KIF7: variants seen among roughly 807,000 people sequenced by gnomAD.
KIF7 encodes kinesin-like protein KIF7.
A neutral mutation model predicts 135.7 loss-of-function variants in KIF7; 104 were observed. That is an observed-to-expected ratio of 0.77 (90% confidence interval 0.65 to 0.90). KIF7 has a LOEUF of 0.90. KIF7 is among the 40% of genes least tolerant of loss of function. The pLI is 0.00. For missense variants in KIF7, 2,005 were observed against 1,839.1 expected (o/e 1.09, Z -1.65); for synonymous variants, 883 against 809.4 (o/e 1.09, Z -1.54).
At chr15:89,645,581 T>G in intron 8 of KIF7, 130 bp from the exon 9 acceptor site, 1 of 813,190 alleles carries the variant, frequency 1.2e-6, no homozygotes, top group Non-Finnish European at 2.0e-6. Context: ...ACCCAGGATG[T>G]GAGTCTGGCA....
In KIF7 at chr15:89,633,866, C is replaced by T. The variant is rs1488698735; in HGVS notation, c.2412G>A (p.Lys804=). ...QSQVQVLKEK[K]QATERLVSLS... is the part of the protein sequence containing the mutation. ...GTGACACCAGCCGCTCCGTAGCCTG[C>T]TTCTTCTCCTTCAGCACCTGGGACC... The change falls in exon 12 of 19, where the codon AAG becomes AAA. Residue 804 remains lysine, a synonymous_variant. Coordinates refer to ENST00000394412, the MANE Select transcript of KIF7 (RefSeq NM_198525.3). 1.2e-6 allele frequency: 2 copies of T among 1,613,824 alleles called. No individual in the cohort carries two copies. Among genetic ancestry groups the T allele is most frequent in the Non-Finnish European group, 1.7e-6 (2 of 1,180,040 alleles).
chr15:89,626,191 C>A, downstream of KIF7: 1 of 973,096 alleles, frequency 1.0e-6, no homozygotes, highest in Non-Finnish European at 1.5e-6. Flanking sequence ...TTCGCGCCTA[C>A]AGCGTCATGT....
chr15:89,647,901 G>T (rs957649990), intron 5 of KIF7, among the ~76,000 whole-genome samples, 189 bp from the exon 6 acceptor site: 1 of 152,158 alleles, frequency 6.6e-6, no homozygotes, highest in Non-Finnish European at 1.5e-5. Context: ...AGCCATTTGG[G>T]TCATCTCTTG....
the KIF7 span, among the ~76,000 whole-genome samples, chr15:89,660,553 A>C: frequency 6.6e-6 from 1 of 152,184 alleles, no homozygotes; most frequent in Non-Finnish European, 1.5e-5. Flanking sequence ...TAGGAAAAGA[A>C]ATCATTCACG....
At position 89,640,233 on chromosome 15, in the gene KIF7, G is replaced by A. The variant is rs1963893145; in HGVS notation, c.2394+1970C>T. Among the ~76,000 whole-genome samples the A allele has an allele frequency of 3.3e-5, 5 of 152,028 alleles. No individual in the cohort carries two copies. In the South Asian group the frequency reaches 1.0e-3, roughly 32 times the overall value. On this transcript the variant is annotated intron_variant, in intron 11 of 18. Coordinates refer to ENST00000394412, the MANE Select transcript of KIF7 (RefSeq NM_198525.3). ...GGTGCAGCGCACCAGCATGGCACAT[G>A]TATACATATGTAACTAACCTGCACA...
At chr15:89,625,481 G>A (rs1250930666), downstream of KIF7, 1 of 1,613,954 alleles carries the variant, frequency 6.2e-7, no homozygotes, top group Non-Finnish European at 8.5e-7. Flanking sequence ...AAGGACCACG[G>A]CCTTGAACTC....
chr15:89,662,226 G>A, the KIF7 span, among the ~76,000 whole-genome samples: 9 of 152,184 alleles, frequency 5.9e-5, no homozygotes, highest in Non-Finnish European at 1.3e-4. Flanking sequence ...GCCAGGCATG[G>A]TGGTTCACAC....
At position 89,652,586 on chromosome 15, in the gene KIF7, C is replaced by T. The variant is rs1379401023; in HGVS notation, c.328+17G>A. 1.1e-5 allele frequency: 16 copies of T among 1,495,440 alleles called. No individual in the cohort carries two copies. Among genetic ancestry groups the T allele is most frequent in the Middle Eastern group, 3.5e-4 (2 of 5,776 alleles). 92.6% of individuals were successfully genotyped at this position (1,495,440 alleles called of 1,614,324 possible). A position where few individuals can be genotyped will look rare whatever the true frequency, so the allele number is the denominator to read the frequency against. On this transcript the variant is annotated intron_variant, in intron 2 of 18. Coordinates refer to ENST00000394412, the MANE Select transcript of KIF7 (RefSeq NM_198525.3). ...GCTCCTTAAAGTGGGCACAGGGCCA[C>T]GAACAGGGTCACTCACCCACACTGG...
downstream of KIF7, chr15:89,625,137 G>A (rs1449016513): frequency 1.2e-5 from 19 of 1,613,740 alleles, no homozygotes; most frequent in Non-Finnish European, 1.5e-5. Flanking sequence ...GCATGCCCAG[G>A]GCCAGCAGGT....
chr15:89,650,427 C>T (rs947982713), intron 2 of KIF7, among the ~76,000 whole-genome samples: 3 of 152,066 alleles, frequency 2.0e-5, no homozygotes, highest in Non-Finnish European at 2.9e-5. Context: ...GAGTTTTGCT[C>T]TCGTTGCCCA....
chr15:89,633,718 C>T lies in KIF7; in HGVS notation c.2560G>A (p.Ala854Thr). The stretch of plus-strand genomic sequence containing the variant: ...CGGTGCTGCCGCTTGCTCATTTCTG[C>T]CTCCAGGCGCCGCTTCTGCTCCGTC... Reference protein sequence around the residue: ...EETEQKRRLEAEMSKRQHRVK... With the variant: ...EETEQKRRLETEMSKRQHRVK... Residue 854 changes from alanine (A) to threonine (T), a missense_variant, in exon 12 of 19, where the codon GCA becomes ACA. Coordinates refer to ENST00000394412, the MANE Select transcript of KIF7 (RefSeq NM_198525.3). The T allele has an allele frequency of 6.2e-7, 1 of 1,607,998 alleles. No individual in the cohort carries two copies. The highest frequency in any genetic ancestry group is 8.5e-7 in the Non-Finnish European group (1 of 1,179,450).
the KIF7 span, among the ~76,000 whole-genome samples, chr15:89,663,016 C>T: frequency 6.6e-6 from 1 of 152,232 alleles, no homozygotes; most frequent in East Asian, 1.9e-4. Flanking sequence ...GCCTGACCAG[C>T]AGGCATGTTG....
rs573149027 is a variant in KIF7 at position 89,629,147 on chromosome 15, G to C, written c.3518-25C>G. ...TCTAGAGTGGAAAGGTCGAGGAGAG[G>C]GTGGTGAGGGCTGCAGGCGGGGCAG... On this transcript the variant is annotated intron_variant, in intron 17 of 18. Transcript: ENST00000394412. 145 of 1,610,398 alleles carry C rather than the reference G, an allele frequency of 9.0e-5. 1 individual carries two copies. Among genetic ancestry groups the C allele is most frequent in the African/African-American group, 4.2e-4 (31 of 73,832 alleles).
At chr15:89,630,837 C>T (rs1054314665) in intron 15 of KIF7, 6 of 416,612 alleles carry the variant, frequency 1.4e-5, no homozygotes, top group Admixed American at 7.2e-5. Flanking sequence ...GATGGGGATA[C>T]GTTCTAAGAA....
At chr15:89,619,772 CTTCTA>C (rs752885118) in intron 1 of KIF7, 1 of 1,613,996 alleles carries the variant, frequency 6.2e-7, no homozygotes. Context: ...ATTCTGCCTC[CTTCTA>C]TTCTGTGTCT....
chr15:89,631,846 G>C, intron 14 of KIF7, 136 bp from the exon 15 acceptor site: 1 of 753,810 alleles, frequency 1.3e-6, no homozygotes, highest in Non-Finnish European at 2.1e-6. Context: ...GCTCAGCAGG[G>C]AGACCAGACT....
downstream of KIF7, chr15:89,625,050 C>A: frequency 6.2e-7 from 1 of 1,614,040 alleles, no homozygotes. Flanking sequence ...AGATAGACCC[C>A]AGCTCTTCAT....
At chr15:89,631,470 G>A in intron 15 of KIF7, 25 bp downstream of exon 15, 1 of 1,539,454 alleles carries the variant, frequency 6.5e-7, no homozygotes, top group Non-Finnish European at 8.8e-7. Flanking sequence ...GCACCAAGGG[G>A]CTGAGCCATG....
chr15:89,632,799 TCTCTCCTGGCAGGGC>T lies in KIF7; in HGVS notation c.2895+6_2895+20del. The T allele has an allele frequency of 6.3e-7, 1 of 1,596,818 alleles. No homozygotes were observed. On this transcript the variant is annotated splice_donor_region_variant and intron_variant, in intron 14 of 18. Transcript: ENST00000394412. ...CTTCACTGGACCTCACCTGGCAGGA[TCTCTCCTGGCAGGGC>T]CTCACCTGGCTGGATCTCAGGCGCT...
Sources: gnomAD v4.1 joint callset for allele counts (sites outside exome capture counted in the v4.1 genomes callset) on GRCh38, gnomAD v4.1.1 for gene constraint, MANE v1.5 for transcripts, NCBI Gene and HGNC (gene_info 2026-07-23, HGNC 2026-07-21) for gene names.